The following SYN3 variants were observed in gnomAD, a reference collection of about 807,000 sequenced individuals.
SYN3 encodes the protein synapsin-3.
A neutral mutation model predicts 65.8 loss-of-function variants in SYN3; 35 were observed. The observed-to-expected ratio is 0.53, with a 90% CI of 0.41 to 0.70. The LOEUF is 0.70. Among genes scored for constraint, SYN3 ranks in the 30% least tolerant of loss-of-function variants. The pLI is 0.00. For missense variants in SYN3, 680 were observed against 749.0 expected (o/e 0.91, Z 1.08); for synonymous variants, 270 against 292.9 (o/e 0.92, Z 0.80).
At chr22:32,605,007 G>GGA (rs767742968) in intron 6 of SYN3, among the ~76,000 whole-genome samples, 1 of 91,162 alleles carries the variant, frequency 1.1e-5, no homozygotes, top group Non-Finnish European at 2.0e-5. Context: ...CTCCATCTCA[G>GGA]AAAAAAAAAA....
intron 7 of SYN3, among the ~76,000 whole-genome samples, chr22:32,581,201 C>G (rs2058935969): frequency 6.6e-6 from 1 of 152,162 alleles, no homozygotes; most frequent in Admixed American, 6.5e-5. Context: ...CCTCTGCCTC[C>G]CAGGTTCAAA....
chr22:33,019,472 C>T (rs1241643813), intron 1 of SYN3, among the ~76,000 whole-genome samples: 6 of 152,106 alleles, frequency 3.9e-5, no homozygotes, highest in African/African-American at 9.7e-5. Context: ...ATTCAACCTC[C>T]GTGCCTCAGT....
At chr22:32,641,808 A>G (rs1281769228) in intron 6 of SYN3, among the ~76,000 whole-genome samples, 6 of 152,094 alleles carry the variant, frequency 3.9e-5, no homozygotes, top group Admixed American at 3.9e-4. Context: ...ATTGTATTGT[A>G]AGTGACTTAT....
chr22:32,665,031 T>C (rs130728), intron 6 of SYN3, among the ~76,000 whole-genome samples: 122,957 of 123,052 alleles, frequency 1, 61,431 homozygotes, highest in Middle Eastern at 1. Flanking sequence ...GCAGAGCCTG[T>C]TCTGTCACCC....
chr22:32,799,065 T>TCA (rs1344747026), intron 6 of SYN3, among the ~76,000 whole-genome samples: 4 of 152,154 alleles, frequency 2.6e-5, no homozygotes, highest in Non-Finnish European at 5.9e-5. Flanking sequence ...AACCAATTCT[T>TCA]ACATATTATT....
intron 3 of SYN3, among the ~76,000 whole-genome samples, chr22:32,957,756 G>T (rs1046478385): frequency 6.6e-6 from 1 of 152,204 alleles, no homozygotes; most frequent in Admixed American, 6.5e-5. Context: ...CTCAGGAAAG[G>T]AGGGAGCCCA....
chr22:32,513,442 T>C lies in SYN3; in HGVS notation c.*250A>G, dbSNP rs1435124754. Reference sequence around the variant, plus strand: ...GGGTAGGCAGAGGGTGTGATGCCCATCGCTCAGGCCTGTTTTGAGGAACCT... The same window carrying C: ...GGGTAGGCAGAGGGTGTGATGCCCACCGCTCAGGCCTGTTTTGAGGAACCT... On this transcript the variant is annotated 3_prime_UTR_variant, in exon 14 of 14. Transcript: ENST00000358763. The C allele has an allele frequency of 7.8e-6, 3 of 386,228 alleles. No individual in the cohort carries two copies. The highest frequency in any genetic ancestry group is 4.0e-5 in the African/African-American group (2 of 49,556). 23.9% of individuals were successfully genotyped at this position (386,228 alleles called of 1,614,324 possible).
At chr22:32,895,462 A>C (rs1343330720) in intron 4 of SYN3, among the ~76,000 whole-genome samples, 1 of 152,224 alleles carries the variant, frequency 6.6e-6, no homozygotes, top group African/African-American at 2.4e-5. Flanking sequence ...ACTCAGACTA[A>C]TACAGACAGT....
intron 3 of SYN3, among the ~76,000 whole-genome samples, chr22:32,962,850 A>G (rs78522511): frequency 0.019 from 2,324 of 121,998 alleles, 27 homozygotes; most frequent in Middle Eastern, 0.054. Context: ...CTATCTATCT[A>G]TCTGTCTGTC....
At chr22:32,839,948 T>A (rs899778083) in intron 6 of SYN3, among the ~76,000 whole-genome samples, 17 of 151,800 alleles carry the variant, frequency 1.1e-4, no homozygotes, top group Non-Finnish European at 1.8e-4. Context: ...CAGAAACCCA[T>A]CCTGCTCACA....
intron 6 of SYN3, among the ~76,000 whole-genome samples, chr22:32,619,207 C>G (rs530090122): frequency 6.6e-6 from 1 of 152,306 alleles, no homozygotes; most frequent in Non-Finnish European, 1.5e-5. Flanking sequence ...TGAGGTCCGA[C>G]AGCACTGGCC....
At chr22:32,720,378 A>G (rs1433259156) in intron 6 of SYN3, among the ~76,000 whole-genome samples, 1 of 152,158 alleles carries the variant, frequency 6.6e-6, no homozygotes, top group African/African-American at 2.4e-5. Flanking sequence ...ATTACATGCC[A>G]TGAGGTTGAT....
intron 6 of SYN3, among the ~76,000 whole-genome samples, chr22:32,605,160 C>T (rs1215535346): frequency 2.0e-5 from 3 of 151,978 alleles, no homozygotes; most frequent in South Asian, 2.1e-4. Flanking sequence ...ACAGTAAGCG[C>T]GTTTGTTGAA....
chr22:32,700,695 G>C (rs2060799658), intron 6 of SYN3, among the ~76,000 whole-genome samples: 1 of 152,154 alleles, frequency 6.6e-6, no homozygotes, highest in Non-Finnish European at 1.5e-5. Flanking sequence ...GATTAGACAA[G>C]CACTCATATG....
chr22:32,661,933 T>C (rs1347502073), intron 6 of SYN3, among the ~76,000 whole-genome samples: 1 of 152,170 alleles, frequency 6.6e-6, no homozygotes, highest in East Asian at 1.9e-4. Context: ...AGTCAGGAAA[T>C]GTAGTTTGAC....
At chr22:32,554,727 C>T (rs984641854) in intron 7 of SYN3, among the ~76,000 whole-genome samples, 10 of 152,190 alleles carry the variant, frequency 6.6e-5, no homozygotes, top group African/African-American at 1.4e-4. Flanking sequence ...AATAAGACCC[C>T]CTTCCCCTCC....
At chr22:32,681,158 G>GTCT (rs2060517180) in intron 6 of SYN3, among the ~76,000 whole-genome samples, 1 of 152,000 alleles carries the variant, frequency 6.6e-6, no homozygotes, top group African/African-American at 2.4e-5. Context: ...AGAGTCGACA[G>GTCT]GGGTTGCAGA....
intron 6 of SYN3, among the ~76,000 whole-genome samples, chr22:32,661,045 G>A (rs1010866067): frequency 6.6e-6 from 1 of 152,358 alleles, no homozygotes; most frequent in South Asian, 2.1e-4. Flanking sequence ...CAGCCAGGAT[G>A]TCAAGGTGGA....
chr22:32,961,580 G>C (rs2051654000), intron 3 of SYN3, among the ~76,000 whole-genome samples: 2 of 152,172 alleles, frequency 1.3e-5, no homozygotes. Context: ...TGTTTAAGTA[G>C]CCTCGTAGCA....
Sources: allele counts gnomAD v4.1 joint callset (sites outside exome capture counted in the v4.1 genomes callset), GRCh38; gene constraint gnomAD v4.1.1; transcripts MANE v1.5; gene names NCBI Gene and HGNC (gene_info 2026-07-23, HGNC 2026-07-21).